Variants in TMTC1 observed in about 807,000 individuals in gnomAD.
TMTC1 encodes the protein protein O-mannosyl-transferase TMTC1.
Under a neutral mutation model 104.8 loss-of-function variants are expected in TMTC1, and 73 were observed. The ratio of observed to expected loss-of-function variants is 0.70; its 90% CI spans 0.58 to 0.85. The LOEUF (loss-of-function observed/expected upper bound fraction) is 0.85. Ranked by LOEUF, TMTC1 falls within the 40% of genes least tolerant of loss-of-function variation. The probability of loss-of-function intolerance (pLI) is 0.00; values close to 1 mark genes in which losing one functional copy is unlikely to be tolerated. For synonymous variants in TMTC1, 434 were observed against 428.7 expected (o/e 1.01, Z -0.15); for missense variants, 1,035 against 1,096.1 (o/e 0.94, Z 0.79).
chr12:29,681,705 G>A (rs1168307480), intron 5 of TMTC1, among the ~76,000 whole-genome samples: 5 of 149,604 alleles, frequency 3.3e-5, no homozygotes, highest in Admixed American at 6.7e-5. Context: ...AAGCAAAAGA[G>A]GAGAAAGAGT....
At chr12:29,716,562 A>G (rs1942088012) in intron 5 of TMTC1, among the ~76,000 whole-genome samples, 1 of 152,164 alleles carries the variant, frequency 6.6e-6, no homozygotes, top group Non-Finnish European at 1.5e-5. Context: ...AGGATATGGG[A>G]AATTTAAAAA....
At chr12:29,533,053 C>A (rs1409250109) in intron 11 of TMTC1, 1 of 152,128 alleles carries the variant, frequency 6.6e-6, no homozygotes, top group Non-Finnish European at 1.5e-5. Context: ...CATAGAAAAG[C>A]CTTTTCCAAA....
chr12:29,696,837 C>T (rs1049809537), intron 5 of TMTC1, among the ~76,000 whole-genome samples: 1 of 152,054 alleles, frequency 6.6e-6, no homozygotes, highest in Non-Finnish European at 1.5e-5. Context: ...TTTTCATTTC[C>T]TTATTTATAA....
Position 29,662,888 on chromosome 12 carries a change from A to G in TMTC1, c.939-29552T>C, listed in dbSNP as rs553659511. 1.4e-4 allele frequency among the ~76,000 whole-genome samples: 21 copies of G among 152,222 alleles called. No homozygotes were observed. In the South Asian group the frequency reaches 3.9e-3, roughly 29 times the overall value. ...ACGAGGAGTCCAAAAAACACAAAAG[A>G]GAGTTGGCTTTTAGCAAGCTCTGGA... is the stretch of plus-strand genomic sequence containing the variant. On this transcript the variant is annotated intron_variant, in intron 5 of 17. Transcript: ENST00000539277.
chr12:29,653,768 C>T (rs1188235630), intron 5 of TMTC1, among the ~76,000 whole-genome samples: 1 of 152,148 alleles, frequency 6.6e-6, no homozygotes, highest in Non-Finnish European at 1.5e-5. Context: ...ATAATGATGA[C>T]CTCCAATTCC....
At position 29,751,849 on chromosome 12, in the gene TMTC1, C is replaced by T. The variant is rs769182336; in HGVS notation, c.755G>A (p.Arg252His). The T allele has an allele frequency of 1.3e-6, 2 of 1,583,364 alleles. No individual in the cohort carries two copies. Among genetic ancestry groups the T allele is most frequent in the African/African-American group, 1.3e-5 (1 of 74,240 alleles). The change falls in exon 5 of 18, where the codon CGC (arginine) becomes CAC (histidine). Residue 252 changes from arginine (R) to histidine (H), a missense_variant. By Grantham distance (29) the Arg-to-His change is conservative. Transcript: ENST00000539277. Reference sequence around the variant, plus strand: ...GGGGCTCCCGGGCTGCTGTGGGCTGCGTGGACAGAGGGCCCCATTGCTCCT... The same window carrying T: ...GGGGCTCCCGGGCTGCTGTGGGCTGTGTGGACAGAGGGCCCCATTGCTCCT... ...DKSSNGALCP[R>H]SPQQPGSPQP...
intron 11 of TMTC1, among the ~76,000 whole-genome samples, chr12:29,532,245 G>A (rs1291462939): frequency 3.3e-5 from 5 of 152,034 alleles, no homozygotes; most frequent in East Asian, 1.9e-4. Context: ...AAACTTAAAG[G>A]TTGTACACTG....
chr12:29,575,012 A>T (rs11050294), intron 8 of TMTC1, among the ~76,000 whole-genome samples: 16,287 of 152,068 alleles, frequency 0.11, 1,614 homozygotes, highest in East Asian at 0.41. Flanking sequence ...GGGTGATACC[A>T]ACAATTTGAA....
chr12:29,594,243 G>T (rs1311663671), intron 7 of TMTC1, among the ~76,000 whole-genome samples: 1 of 152,224 alleles, frequency 6.6e-6, no homozygotes, highest in African/African-American at 2.4e-5. Flanking sequence ...GTCATCTTGA[G>T]AATCTGAGTT....
chr12:29,658,224 CA>C (rs1223904894), intron 5 of TMTC1, among the ~76,000 whole-genome samples: 2 of 149,982 alleles, frequency 1.3e-5, no homozygotes, highest in African/African-American at 2.4e-5. Context: ...TCTGCAAATA[CA>C]AAAAAAAAGT....
At chr12:29,603,449 T>G (rs1435923679) in intron 7 of TMTC1, among the ~76,000 whole-genome samples, 2 of 152,080 alleles carry the variant, frequency 1.3e-5, no homozygotes, top group African/African-American at 4.8e-5. Flanking sequence ...TACTAAAATC[T>G]CTATTGTAAA....
At chr12:29,604,448 CAG>C in intron 6 of TMTC1, 149 bp from the exon 7 acceptor site, 2 of 1,095,522 alleles carry the variant, frequency 1.8e-6, no homozygotes, top group Non-Finnish European at 2.6e-6. Flanking sequence ...CTGAATTTAA[CAG>C]AGAAAGCTGA....
chr12:29,586,882 T>C (rs1253447749), intron 7 of TMTC1, among the ~76,000 whole-genome samples: 1 of 152,160 alleles, frequency 6.6e-6, no homozygotes, highest in Middle Eastern at 3.4e-3. Context: ...TCAAGGATAG[T>C]GGTCTAAAAT....
chr12:29,528,637 T>A (rs2136182368), intron 11 of TMTC1, among the ~76,000 whole-genome samples: 1 of 152,322 alleles, frequency 6.6e-6, no homozygotes, highest in African/African-American at 2.4e-5. Context: ...AGCCAAATCG[T>A]GTGTTTGGAA....
At chr12:29,607,193 G>A (rs1946725316) in intron 6 of TMTC1, among the ~76,000 whole-genome samples, 1 of 152,174 alleles carries the variant, frequency 6.6e-6, no homozygotes, top group Non-Finnish European at 1.5e-5. Context: ...CATCACTCTA[G>A]TTGTAATTAC....
intron 5 of TMTC1, among the ~76,000 whole-genome samples, chr12:29,663,329 G>T (rs1744938210): frequency 6.6e-6 from 1 of 152,180 alleles, no homozygotes; most frequent in South Asian, 2.1e-4. Context: ...TGGAAAAGGT[G>T]CTGGGGAGGG....
In TMTC1 at chr12:29,501,082, C is replaced by A. The variant is rs974466864; in HGVS notation, c.*5764G>T. On this transcript the variant is annotated 3_prime_UTR_variant, in exon 18 of 18. Coordinates refer to ENST00000539277, the MANE Select transcript of TMTC1 (RefSeq NM_001193451.2). ...TCCCCCTGACAAAAGGAGGGATCTG[C>A]GTGAATTACAGCAAATCAAATGATT... The A allele has an allele frequency of 6.6e-6, 1 of 152,474 alleles. No homozygotes were observed. Among genetic ancestry groups the A allele is most frequent in the Non-Finnish European group, 1.5e-5 (1 of 68,022 alleles). The allele number at this position is 152,474 out of a possible 1,614,324, so 9.4% of individuals were successfully genotyped here.
chr12:29,695,819 ATATATAT>A (rs1941406617), intron 5 of TMTC1, among the ~76,000 whole-genome samples: 4 of 92,130 alleles, frequency 4.3e-5, no homozygotes, highest in Admixed American at 4.3e-4. Context: ...ATATATATAT[ATATATAT>A]ATAACCTGTC....
intron 5 of TMTC1, among the ~76,000 whole-genome samples, chr12:29,675,021 C>CT (rs1356189869): frequency 6.6e-6 from 1 of 152,178 alleles, no homozygotes; most frequent in Non-Finnish European, 1.5e-5. Context: ...AGCAGTGTTG[C>CT]TATATTTCCA....
Sources: gnomAD v4.1 joint callset for allele counts (sites outside exome capture counted in the v4.1 genomes callset) on GRCh38, gnomAD v4.1.1 for gene constraint, MANE v1.5 for transcripts, NCBI Gene and HGNC (gene_info 2026-07-23, HGNC 2026-07-21) for gene names.